The following SND1 variants were observed in gnomAD, a reference collection of about 807,000 sequenced individuals.
SND1 encodes staphylococcal nuclease domain-containing protein 1.
In SND1, 38 loss-of-function variants were observed where a neutral mutation model predicts 121.7. That is an observed-to-expected ratio of 0.31 (90% CI 0.24 to 0.41). The LOEUF (loss-of-function observed/expected upper bound fraction) is 0.41. Among genes scored for constraint, SND1 ranks in the 10% least tolerant of loss-of-function variants. The pLI is 1.00. For missense variants in SND1, 868 were observed against 1,184.6 expected (o/e 0.73, Z 3.92); for synonymous variants, 401 against 447.4 (o/e 0.90, Z 1.31).
intron 15 of SND1, among the ~76,000 whole-genome samples, chr7:127,981,487 A>G (rs902033354): frequency 6.6e-6 from 1 of 152,100 alleles, no homozygotes; most frequent in African/African-American, 2.4e-5. Context: ...TGCTCTTGGG[A>G]TGCCACAGAA....
intron 16 of SND1, among the ~76,000 whole-genome samples, chr7:128,047,303 G>T (rs1792966931): frequency 6.6e-6 from 1 of 152,220 alleles, no homozygotes; most frequent in Non-Finnish European, 1.5e-5. Flanking sequence ...GACTCAGGCA[G>T]CCTAAGTGCC....
rs148302379 is a variant in SND1 at position 127,710,658 on chromosome 7, A to G, written c.1038+3011A>G. Reference sequence around the variant, plus strand: ...GCTTACTAAAGAATGTACCAGTTCAATTTCACTCTTCCTTGAGGCAGTCAC... The same window carrying G: ...GCTTACTAAAGAATGTACCAGTTCAGTTTCACTCTTCCTTGAGGCAGTCAC... On this transcript the variant is annotated intron_variant, in intron 9 of 23. Coordinates refer to ENST00000354725, the MANE Select transcript of SND1 (RefSeq NM_014390.4). 4.6e-3 allele frequency among the ~76,000 whole-genome samples: 702 copies of G among 152,304 alleles called. 2 individuals are homozygous for G. Among genetic ancestry groups the G allele is most frequent in the Admixed American group, 0.011 (169 of 15,302 alleles).
At chr7:128,007,622 G>A (rs1288357109) in intron 16 of SND1, among the ~76,000 whole-genome samples, 1 of 152,210 alleles carries the variant, frequency 6.6e-6, no homozygotes, top group Non-Finnish European at 1.5e-5. Flanking sequence ...AAAGATGGAA[G>A]AAGGCAAAGC....
At chr7:127,984,792 T>C (rs1178839935) in intron 15 of SND1, among the ~76,000 whole-genome samples, 3 of 152,152 alleles carry the variant, frequency 2.0e-5, no homozygotes, top group Non-Finnish European at 4.4e-5. Context: ...CATGAAAATC[T>C]AATAGGAGCC....
chr7:127,754,364 A>G (rs762297743), intron 10 of SND1, among the ~76,000 whole-genome samples: 2 of 152,184 alleles, frequency 1.3e-5, no homozygotes, highest in Non-Finnish European at 2.9e-5. Context: ...CAAATTTCCT[A>G]TAGGCTTTAT....
rs182817167 is a variant in SND1 at position 128,092,417 on chromosome 7, C to G, written c.*359C>G. The G allele has an allele frequency of 2.5e-4, 67 of 263,792 alleles. 1 individual carries two copies. The highest frequency in any genetic ancestry group is 2.2e-3 in the East Asian group (30 of 13,824). 16.3% of individuals were successfully genotyped at this position (263,792 alleles called of 1,614,324 possible). A position where few individuals can be genotyped will look rare whatever the true frequency, so the allele number is the denominator to read the frequency against. On this transcript the variant is annotated 3_prime_UTR_variant, in exon 24 of 24. Coordinates refer to ENST00000354725, the MANE Select transcript of SND1 (RefSeq NM_014390.4). This position sits in a 1 kb window ranked among gnomAD's most constrained non-coding sequence, Gnocchi z 4.9. ...TCCTAACACCCAGGCTGGCCGCCAGCTGGCACCTGCCTCTATCCCAGACTG... is the reference window on the plus strand; with the variant it reads ...TCCTAACACCCAGGCTGGCCGCCAGGTGGCACCTGCCTCTATCCCAGACTG...
At chr7:127,699,041 G>T (rs1459518995) in intron 4 of SND1, 88 bp downstream of exon 4, 2 of 1,043,750 alleles carry the variant, frequency 1.9e-6, no homozygotes, top group Non-Finnish European at 2.9e-6. Context: ...ATGGGTAACT[G>T]CAGGGGCTTT....
At chr7:127,659,473 G>A (rs767755506) in intron 1 of SND1, among the ~76,000 whole-genome samples, 18 of 152,120 alleles carry the variant, frequency 1.2e-4, no homozygotes, top group Non-Finnish European at 2.4e-4. Flanking sequence ...AACTGGTTTG[G>A]CACATTTTCT....
chr7:127,871,188 A>G (rs1799579468), intron 12 of SND1, among the ~76,000 whole-genome samples: 1 of 152,114 alleles, frequency 6.6e-6, no homozygotes, highest in African/African-American at 2.4e-5. Flanking sequence ...TCTTCTGGAT[A>G]CCCCCTGAAG....
chr7:127,758,197 T>C (rs1797233704), intron 10 of SND1, among the ~76,000 whole-genome samples: 1 of 152,222 alleles, frequency 6.6e-6, no homozygotes, highest in Non-Finnish European at 1.5e-5. Flanking sequence ...ATTTAAGTCA[T>C]AAAACAGTAT....
At chr7:127,672,180 T>C (rs1349015681) in intron 1 of SND1, among the ~76,000 whole-genome samples, 2 of 152,142 alleles carry the variant, frequency 1.3e-5, no homozygotes, top group Non-Finnish European at 2.9e-5. Flanking sequence ...TTCTGAATTA[T>C]TTGAGAGTAA....
intron 7 of SND1, among the ~76,000 whole-genome samples, chr7:127,704,139 G>A (rs1190140063): frequency 6.6e-6 from 1 of 152,124 alleles, no homozygotes; most frequent in African/African-American, 2.4e-5. Flanking sequence ...TTGATAGTTG[G>A]GTTATTCTTA....
intron 11 of SND1, among the ~76,000 whole-genome samples, chr7:127,808,163 CTTTT>C (rs11418632): frequency 2.4e-5 from 3 of 125,582 alleles, no homozygotes; most frequent in African/African-American, 3.0e-5. Context: ...TTGATGGCTT[CTTTT>C]TTTTTTTTTT....
At chr7:128,043,149 G>A (rs1218352507) in intron 16 of SND1, among the ~76,000 whole-genome samples, 1 of 152,182 alleles carries the variant, frequency 6.6e-6, no homozygotes, top group Non-Finnish European at 1.5e-5. Flanking sequence ...CAAAGAGGGT[G>A]GCTGAAGTAT....
At position 127,706,281 on chromosome 7, in the gene SND1, G is replaced by A. The variant is rs577958988; in HGVS notation, c.948-1276G>A. 5.0e-4 allele frequency among the ~76,000 whole-genome samples: 56 copies of A among 112,582 alleles called. 1 individual carries two copies. Among genetic ancestry groups the A allele is most frequent in the African/African-American group, 1.7e-3 (47 of 27,438 alleles). 73.9% of individuals were successfully genotyped at this position (112,582 alleles called of 152,430 possible). ...CCCCCCCACCTTTTTTTTTTGAGAC[G>A]GAGTCTTGCTCTGTTGCCAGGCTGG... On this transcript the variant is annotated intron_variant, in intron 8 of 23. Transcript: ENST00000354725.
intron 12 of SND1, among the ~76,000 whole-genome samples, chr7:127,885,681 G>GTTTTTCTTTA (rs1799891799): frequency 6.6e-6 from 1 of 152,030 alleles, no homozygotes; most frequent in Non-Finnish European, 1.5e-5. Flanking sequence ...TAACTGGGGT[G>GTTTTTCTTTA]GATCATTAAA....
At chr7:127,711,468 T>G (rs1032711098) in intron 9 of SND1, among the ~76,000 whole-genome samples, 3 of 152,180 alleles carry the variant, frequency 2.0e-5, no homozygotes, top group African/African-American at 7.2e-5. Context: ...CTAATTTTTT[T>G]ATGGATCTGA....
At chr7:127,799,516 A>T (rs58102896) in intron 10 of SND1, among the ~76,000 whole-genome samples, 1 of 152,198 alleles carries the variant, frequency 6.6e-6, no homozygotes, top group African/African-American at 2.4e-5. Flanking sequence ...AGAAAGATTG[A>T]GAAATTGGAG....
intron 10 of SND1, among the ~76,000 whole-genome samples, chr7:127,749,696 C>T (rs1321503407): frequency 6.6e-6 from 1 of 152,136 alleles, no homozygotes; most frequent in Non-Finnish European, 1.5e-5. Flanking sequence ...TCCAGGAGGA[C>T]AGGAATTAAG....
Sources: gnomAD v4.1 joint callset for allele counts (sites outside exome capture counted in the v4.1 genomes callset) on GRCh38, gnomAD v4.1.1 for gene constraint, Gnocchi (gnomAD v3.1) non-coding constraint, MANE v1.5 for transcripts, NCBI Gene and HGNC (gene_info 2026-07-23, HGNC 2026-07-21) for gene names.